Variants in CACNA1H observed in about 807,000 individuals in gnomAD.
The protein encoded by CACNA1H is voltage-dependent T-type calcium channel subunit alpha-1H.
Under a neutral mutation model 192.5 loss-of-function variants are expected in CACNA1H, and 149 were observed. The observed-to-expected ratio is 0.77, with a 90% CI of 0.68 to 0.89. CACNA1H has a LOEUF of 0.89. Ranked by LOEUF, CACNA1H falls within the 40% of genes least tolerant of loss-of-function variation. CACNA1H has a pLI of 0.00. For missense variants in CACNA1H, 4,257 were observed against 3,423.5 expected, an observed-to-expected ratio of 1.24 and a Z score of -6.08; for synonymous variants, 2,202 against 1,475.2, an observed-to-expected ratio of 1.49 and a Z score of -11.29.
At chr16:1,179,413 C>A (rs1965239444) in intron 2 of CACNA1H, among the ~76,000 whole-genome samples, 1 of 152,142 alleles carries the variant, frequency 6.6e-6, no homozygotes, top group Non-Finnish European at 1.5e-5. Flanking sequence ...GGAGAGCCGA[C>A]CGAGCCGCTG....
rs1970464242 is a variant in CACNA1H, at chr16:1,221,293, ACCGGGCAC to A, written c.*303_*310del. ...GAGAAGCCGCGTCTGTGGGACGAAG[ACCGGGCAC>A]CCGCCAGAGAGGGGAAGGTACCAGG... On this transcript the variant is annotated 3_prime_UTR_variant, in exon 35 of 35. Coordinates refer to ENST00000348261, the MANE Select transcript of CACNA1H (RefSeq NM_021098.3). The A allele has an allele frequency of 2.4e-6, 1 of 416,012 alleles. No individual in the cohort carries two copies. 25.8% of individuals were successfully genotyped at this position (416,012 alleles called of 1,614,324 possible). A position where few individuals can be genotyped will look rare whatever the true frequency, so the allele number is the denominator to read the frequency against.
Position 1,206,267 on chromosome 16 carries a change from A to G in CACNA1H, c.2767A>G (p.Met923Val), listed in dbSNP as rs758543190. 6.4e-7 allele frequency: 1 copy of G among 1,563,334 alleles called. No individual in the cohort carries two copies. The highest frequency in any genetic ancestry group is 1.9e-5 in the Admixed American group (1 of 53,170). ...DNVATFCTLL[M>V]LFIFIFSILG... ...CGTGGCTACCTTCTGCACGCTGCTC[A>G]TGCTCTTCATTTTCATCTTCAGGTG... Residue 923 changes from methionine to valine, a missense_variant, in exon 12 of 35, where the codon ATG becomes GTG. Met to Val is a conservative substitution (Grantham distance 21). Coordinates refer to ENST00000348261, the MANE Select transcript of CACNA1H (RefSeq NM_021098.3).
In CACNA1H at chr16:1,221,175, C is replaced by A. The variant is rs2294606; in HGVS notation, c.*181C>A. On this transcript the variant is annotated 3_prime_UTR_variant, in exon 35 of 35. Transcript: ENST00000348261. ...CAGCGAAGCAGGAGTAGCTGCCGGG[C>A]CCCACGAGCCTCCGTCCGTTCTGGT... 1 of 547,118 alleles carries A rather than the reference C, an allele frequency of 1.8e-6. No individual in the cohort carries two copies. The highest frequency in any genetic ancestry group is 2.9e-5 in the East Asian group (1 of 34,222). The allele number at this position is 547,118 out of a possible 1,614,324, so 33.9% of individuals were successfully genotyped here.
intron 31 of CACNA1H, among the ~76,000 whole-genome samples, chr16:1,217,677 G>A (rs1025285453): frequency 6.6e-6 from 1 of 152,106 alleles, no homozygotes; most frequent in Non-Finnish European, 1.5e-5. Flanking sequence ...TTCTTCCATG[G>A]CAGCCGCCAG....
chr16:1,193,061 G>A (rs1020283806), intron 2 of CACNA1H, among the ~76,000 whole-genome samples: 2 of 152,164 alleles, frequency 1.3e-5, no homozygotes, highest in African/African-American at 2.4e-5. Context: ...CAGCCAGGCT[G>A]GGGTAGAGTG....
In CACNA1H at chr16:1,167,627, C is replaced by T. The variant is rs1226987287; in HGVS notation, c.299+13591C>T. 1.3e-5 allele frequency among the ~76,000 whole-genome samples: 2 copies of T among 152,178 alleles called. No individual in the cohort carries two copies. Among genetic ancestry groups the T allele is most frequent in the African/African-American group, 2.4e-5 (1 of 41,428 alleles). On this transcript the variant is annotated intron_variant, in intron 2 of 34. Coordinates refer to ENST00000348261, the MANE Select transcript of CACNA1H (RefSeq NM_021098.3). This position sits in a 1 kb window ranked among gnomAD's most constrained non-coding sequence, Gnocchi z 4.2. ...GCCGTGGCAACGCCTGTCACTAATC[C>T]CCAGCTGCTCCTGGTTGACCGGCCC...
At position 1,218,605 on chromosome 16, in the gene CACNA1H, G is replaced by A. The variant is rs561421034; in HGVS notation, c.5841G>A (p.Pro1947=). ...VVPASAPHPR[P]LQEVEMETYG... ...CTGCCTCGGCGCCCCACCCCCGCCC[G>A]CTGCAGGAGGTGGAGATGGAGACCT... Residue 1947 remains proline (P), a synonymous_variant, in exon 33 of 35, where the codon CCG becomes CCA. Transcript: ENST00000348261. The A allele has an allele frequency of 2.0e-5, 32 of 1,564,322 alleles. No individual in the cohort carries two copies. Among genetic ancestry groups the A allele is most frequent in the South Asian group, 1.8e-4 (15 of 84,950 alleles).
Position 1,180,209 on chromosome 16 carries a change from T to C in CACNA1H, c.300-14763T>C, listed in dbSNP as rs1596338080. ...GGCTCCTGGGTGCACAGGCAGGTGGTGTGCGTCCGCATTGCAGAACACGGG... is the reference window on the plus strand; with the variant it reads ...GGCTCCTGGGTGCACAGGCAGGTGGCGTGCGTCCGCATTGCAGAACACGGG... On this transcript the variant is annotated intron_variant, in intron 2 of 34. Transcript: ENST00000348261. This position sits in a 1 kb window ranked among gnomAD's most constrained non-coding sequence, Gnocchi z 4.4. Among the ~76,000 whole-genome samples the C allele has an allele frequency of 1.3e-5, 2 of 152,296 alleles. No homozygotes were observed. Among genetic ancestry groups the C allele is most frequent in the South Asian group, 4.1e-4 (2 of 4,830 alleles).
chr16:1,219,765 G>A lies in CACNA1H; in HGVS notation c.6049-216G>A, dbSNP rs573909084. Among the ~76,000 whole-genome samples the A allele has an allele frequency of 8.4e-5, 12 of 143,222 alleles. No individual in the cohort carries two copies. The South Asian group carries it at 1.6e-3, about 19-fold the overall frequency. The allele number at this position is 143,222 out of a possible 152,430, so 94.0% of individuals were successfully genotyped here. A position where few individuals can be genotyped will look rare whatever the true frequency, so the allele number is the denominator to read the frequency against. On this transcript the variant is annotated intron_variant, in intron 34 of 34. Coordinates refer to ENST00000348261, the MANE Select transcript of CACNA1H (RefSeq NM_021098.3). The stretch of plus-strand genomic sequence containing the variant: ...ATGGCATCTCTGCCCACAGAGCAGC[G>A]GGTACAGGCTTTCCCCGGGAGCCTC...
rs1969738079 is a variant in CACNA1H, at chr16:1,213,801, A to G, written c.4799A>G (p.Tyr1600Cys). 6.4e-7 allele frequency: 1 copy of G among 1,570,936 alleles called. No homozygotes were observed. Among genetic ancestry groups the G allele is most frequent in the South Asian group, 1.2e-5 (1 of 86,104 alleles). ...PSPEAQRRPY[Y>C]ADYSPTRRSI... is the part of the protein sequence containing the mutation. ...GCAGAGGCCCAGCGCCGGCCCTACT[A>G]TGCCGACTACTCGCCCACGCGCCGC... The change falls in exon 27 of 35, where the codon TAT (tyrosine) becomes TGT (cysteine). Residue 1600 changes from tyrosine (Y) to cysteine (C), a missense_variant. Coordinates refer to ENST00000348261, the MANE Select transcript of CACNA1H (RefSeq NM_021098.3).
intron 2 of CACNA1H, among the ~76,000 whole-genome samples, chr16:1,175,261 G>C (rs111799486): frequency 6.6e-6 from 1 of 152,196 alleles, no homozygotes; most frequent in Non-Finnish European, 1.5e-5. Flanking sequence ...GTGTGTGTAG[G>C]TGTGCCTACC....
chr16:1,202,665 C>T (rs1192461514), intron 9 of CACNA1H, among the ~76,000 whole-genome samples: 1 of 152,180 alleles, frequency 6.6e-6, no homozygotes, highest in Non-Finnish European at 1.5e-5. Flanking sequence ...CGGTGGCCCA[C>T]AGCTCATGGC....
chr16:1,210,821 C>G lies in CACNA1H; in HGVS notation c.4073C>G (p.Ala1358Gly). The change falls in exon 21 of 35, where the codon GCC becomes GGC. Residue 1358 changes from alanine (A) to glycine (G), a missense_variant. Coordinates refer to ENST00000348261, the MANE Select transcript of CACNA1H (RefSeq NM_021098.3). ...CTGGGGCTGCTGTCCGGCGAGCACGCCTACCTGCAGAGCAGCTGGAACCTG... is the reference window on the plus strand; with the variant it reads ...CTGGGGCTGCTGTCCGGCGAGCACGGCTACCTGCAGAGCAGCTGGAACCTG... ...VALGLLSGEH[A>G]YLQSSWNLLD... 3.7e-6 allele frequency: 6 copies of G among 1,603,350 alleles called. No individual in the cohort carries two copies. The highest frequency in any genetic ancestry group is 5.1e-6 in the Non-Finnish European group (6 of 1,179,720).
chr16:1,171,297 A>G (rs1964345521), intron 2 of CACNA1H, among the ~76,000 whole-genome samples: 1 of 151,852 alleles, frequency 6.6e-6, no homozygotes, highest in Non-Finnish European at 1.5e-5. Flanking sequence ...GTCTGGGGGG[A>G]TCGTGGGGCT....
chr16:1,155,232 G>C (rs934271737), intron 2 of CACNA1H, among the ~76,000 whole-genome samples: 9 of 152,288 alleles, frequency 5.9e-5, no homozygotes, highest in African/African-American at 1.7e-4. Context: ...CTGTGGTCCC[G>C]GGGGCAGCCG....
intron 14 of CACNA1H, 75 bp from the exon 15 acceptor site, chr16:1,207,695 C>A: frequency 7.4e-7 from 1 of 1,344,722 alleles, no homozygotes; most frequent in Admixed American, 2.0e-5. Flanking sequence ...CCAGGCCAGC[C>A]CAGACTTCTG....
Position 1,221,154 on chromosome 16 carries a change from G to A in CACNA1H, c.*160G>A, listed in dbSNP as rs144020145. The A allele has an allele frequency of 3.4e-4, 198 of 581,896 alleles. No individual in the cohort carries two copies. Among genetic ancestry groups the A allele is most frequent in the African/African-American group, 3.0e-3 (162 of 53,856 alleles). 36.0% of individuals were successfully genotyped at this position (581,896 alleles called of 1,614,324 possible). A position where few individuals can be genotyped will look rare whatever the true frequency, so the allele number is the denominator to read the frequency against. ...CCCAGGCCCTGGTTCTCTGCCCAGC[G>A]AAGCAGGAGTAGCTGCCGGGCCCCA... On this transcript the variant is annotated 3_prime_UTR_variant, in exon 35 of 35. Transcript: ENST00000348261.
At chr16:1,173,034 G>C (rs1040187781) in intron 2 of CACNA1H, among the ~76,000 whole-genome samples, 1 of 152,152 alleles carries the variant, frequency 6.6e-6, no homozygotes, top group African/African-American at 2.4e-5. Flanking sequence ...ACCTGCCCTG[G>C]GTGTGGCGTG....
chr16:1,212,145 C>G lies in CACNA1H; in HGVS notation c.4759+7C>G, dbSNP rs765971981. The G allele has an allele frequency of 3.1e-6, 5 of 1,600,700 alleles. No homozygotes were observed. In the East Asian group the frequency reaches 8.9e-5, roughly 29 times the overall value. The stretch of plus-strand genomic sequence containing the variant: ...CTAGAGAGGAGGCGCAGGAGTAAGG[C>G]GCTCCCGGTGGCGGTGGCGGTGGCG... On this transcript the variant is annotated splice_region_variant and intron_variant, in intron 25 of 34. Coordinates refer to ENST00000348261, the MANE Select transcript of CACNA1H (RefSeq NM_021098.3).
Sources: gnomAD v4.1 joint callset for allele counts (sites outside exome capture counted in the v4.1 genomes callset) on GRCh38, gnomAD v4.1.1 for gene constraint, Gnocchi (gnomAD v3.1) non-coding constraint, MANE v1.5 for transcripts, NCBI Gene and HGNC (gene_info 2026-07-23, HGNC 2026-07-21) for gene names.